The following PCF11 variants were observed in gnomAD, a reference collection of about 807,000 sequenced individuals.
The protein encoded by PCF11 is PCF11 cleavage and polyadenylation factor subunit, also known as pre-mRNA cleavage complex 2 protein Pcf11.
In PCF11, 19 loss-of-function variants were observed where a neutral mutation model predicts 166.1. That is an observed-to-expected ratio of 0.11 (90% CI 0.08 to 0.17). The LOEUF (loss-of-function observed/expected upper bound fraction) is 0.17, where lower values mean the gene tolerates loss of function less well. Ranked by LOEUF, PCF11 falls within the 10% of genes least tolerant of loss-of-function variation. The pLI is 1.00. For synonymous variants in PCF11, 663 were observed against 644.1 expected, an observed-to-expected ratio of 1.03 and a Z score of -0.44; for missense variants, 1,565 against 1,855.5, an observed-to-expected ratio of 0.84 and a Z score of 2.88.
At chr11:83,174,402 T>C (rs1418519712) in intron 9 of PCF11, among the ~76,000 whole-genome samples, 1 of 136,488 alleles carries the variant, frequency 7.3e-6, no homozygotes, top group Non-Finnish European at 1.6e-5. Flanking sequence ...TTTTTTTTTT[T>C]AAAGAGGGTG....
exon 16 of PCF11, chr11:83,184,946 TAGA>T (rs1197977483): frequency 1.1e-5 from 14 of 1,303,976 alleles, no homozygotes; most frequent in East Asian, 2.6e-5. Flanking sequence ...CTGTTGGATC[TAGA>T]AGGTGAAGAA....
exon 16 of PCF11, chr11:83,184,888 A>C (rs1301637808): frequency 6.5e-7 from 1 of 1,542,794 alleles, no homozygotes; most frequent in East Asian, 2.3e-5. Context: ...CAGTCGAGTC[A>C]GTTTAAATAA....
At chr11:83,159,643 G>T (rs1860151166) in intron 1 of PCF11, among the ~76,000 whole-genome samples, 1 of 152,192 alleles carries the variant, frequency 6.6e-6, no homozygotes, top group African/African-American at 2.4e-5. Context: ...AAGCCAGGTT[G>T]AGGAAAAGAT....
chr11:83,171,200 C>T (rs565874645), intron 8 of PCF11: 5 of 402,054 alleles, frequency 1.2e-5, no homozygotes, highest in East Asian at 7.5e-5. Flanking sequence ...TTTAACATTC[C>T]CTTTGACATC....
chr11:83,160,050 A>T (rs1346500413), intron 1 of PCF11, among the ~76,000 whole-genome samples: 1 of 152,218 alleles, frequency 6.6e-6, no homozygotes, highest in Non-Finnish European at 1.5e-5. Flanking sequence ...ACCCACATGC[A>T]GTGGGTGAAC....
Position 83,169,666 on chromosome 11 carries a change from C to G in PCF11, c.3331C>G (p.Leu1111Val), listed in dbSNP as rs370763256. Residue 1111 changes from leucine (L) to valine (V), a missense_variant, in exon 8 of 16, where the codon CTT (leucine) becomes GTT (valine). Physicochemically the swap from Leu to Val is conservative, Grantham distance 32. Coordinates refer to ENST00000298281, the Ensembl canonical transcript of PCF11. ...ATCAAGGTTTGATATTCCTCTTGGT[C>G]TTCAAGGCACAAGATTTGACAATCA... 3 of 1,613,830 alleles carry G rather than the reference C, an allele frequency of 1.9e-6. No homozygotes were observed. The African/African-American group carries it at 4.0e-5, about 22-fold the overall frequency.
exon 16 of PCF11, chr11:83,185,147 A>C: frequency 3.0e-6 from 1 of 335,634 alleles, no homozygotes; most frequent in Non-Finnish European, 5.3e-6. Context: ...TATGTGTAAA[A>C]ATGTACGATT....
At chr11:83,168,091 G>A (rs750319956) in intron 7 of PCF11, among the ~76,000 whole-genome samples, 193 bp downstream of exon 7, 4 of 152,112 alleles carry the variant, frequency 2.6e-5, no homozygotes, top group African/African-American at 4.8e-5. Context: ...TTGTGTGTCA[G>A]GTACTTCATT....
chr11:83,184,712 A>G, exon 16 of PCF11: 1 of 1,612,980 alleles, frequency 6.2e-7, no homozygotes, highest in South Asian at 1.1e-5. Context: ...ATCTCCCAGC[A>G]AGACACCAGT....
At chr11:83,161,733 T>G (rs1860262280) in intron 2 of PCF11, among the ~76,000 whole-genome samples, 1 of 152,270 alleles carries the variant, frequency 6.6e-6, no homozygotes, top group South Asian at 2.1e-4. Flanking sequence ...GAACATCTGT[T>G]TCATCACTTA....
At chr11:83,166,592 A>G in exon 5 of PCF11, 1 of 1,613,974 alleles carries the variant, frequency 6.2e-7, no homozygotes, top group Non-Finnish European at 8.5e-7. Flanking sequence ...AAGAGGAGCG[A>G]CCACAAGAAA....
rs1356218308 is a variant in PCF11, at chr11:83,167,768, G to C, written c.2092+263G>C. The C allele has an allele frequency of 7.0e-7, 1 of 1,423,940 alleles. No individual in the cohort carries two copies. The highest frequency in any genetic ancestry group is 9.3e-7 in the Non-Finnish European group (1 of 1,076,662). 88.2% of individuals were successfully genotyped at this position (1,423,940 alleles called of 1,614,324 possible). A position where few individuals can be genotyped will look rare whatever the true frequency, so the allele number is the denominator to read the frequency against. On this transcript the variant is annotated intron_variant, in intron 7 of 15. Transcript: ENST00000298281. This position sits in a 1 kb window ranked among gnomAD's most constrained non-coding sequence, Gnocchi z 4.2. ...ATGCAAGTAGGAATAGTGGAGCACAGTTTGACAGAAAAGAACAATTTAGTG... is the reference window on the plus strand; with the variant it reads ...ATGCAAGTAGGAATAGTGGAGCACACTTTGACAGAAAAGAACAATTTAGTG...
At chr11:83,162,889 C>T (rs909213661) in intron 2 of PCF11, among the ~76,000 whole-genome samples, 1 of 152,218 alleles carries the variant, frequency 6.6e-6, no homozygotes, top group African/African-American at 2.4e-5. Context: ...ATTCTCCTGC[C>T]TCAGCCTCCC....
intron 9 of PCF11, among the ~76,000 whole-genome samples, chr11:83,173,439 G>C (rs1334117852): frequency 6.6e-6 from 1 of 151,006 alleles, no homozygotes; most frequent in East Asian, 1.9e-4. Context: ...TGGTGACAGA[G>C]TGAGACTCCG....
At chr11:83,173,505 T>A (rs1427546598) in intron 9 of PCF11, among the ~76,000 whole-genome samples, 1 of 150,888 alleles carries the variant, frequency 6.6e-6, no homozygotes, top group Non-Finnish European at 1.5e-5. Flanking sequence ...GTATCAGTAT[T>A]TGTCTGTTTT....
At position 83,160,695 on chromosome 11, in the gene PCF11, A is replaced by G. The variant is rs930326347; in HGVS notation, c.193-632A>G. Among the ~76,000 whole-genome samples, 23 of 152,150 alleles carry G rather than the reference A, an allele frequency of 1.5e-4. 1 individual carries two copies. Among genetic ancestry groups the G allele is most frequent in the African/African-American group, 2.4e-5 (1 of 41,432 alleles). ...AGTCAAGTTCAACCTGATTTACATG[A>G]TTCAGCGGCTGCTCCATCCAGTTTT... is the stretch of plus-strand genomic sequence containing the variant. On this transcript the variant is annotated intron_variant, in intron 1 of 15. Coordinates refer to ENST00000298281, the Ensembl canonical transcript of PCF11.
intron 11 of PCF11, chr11:83,180,712 C>G: frequency 5.2e-6 from 1 of 191,256 alleles, no homozygotes. Flanking sequence ...AATAAGCTAA[C>G]TATTGCCTTG....
chr11:83,180,130 C>T (rs917779364), intron 11 of PCF11: 1 of 148,318 alleles, frequency 6.7e-6, no homozygotes, highest in Non-Finnish European at 1.5e-5. Flanking sequence ...ACTCTGTGGC[C>T]CAGGCTGGAG....
At chr11:83,168,516 T>C in exon 8 of PCF11, 2 of 1,614,044 alleles carry the variant, frequency 1.2e-6, no homozygotes, top group Non-Finnish European at 8.5e-7. Flanking sequence ...CATTTGTAGA[T>C]AGTCCAGCAT....
Sources: allele counts gnomAD v4.1 joint callset (sites outside exome capture counted in the v4.1 genomes callset), GRCh38; gene constraint gnomAD v4.1.1; non-coding constraint Gnocchi (gnomAD v3.1); transcripts MANE v1.5; gene names NCBI Gene and HGNC (gene_info 2026-07-23, HGNC 2026-07-21).